SIL1: variants seen among roughly 807,000 people sequenced by gnomAD.
SIL1 encodes nucleotide exchange factor SIL1.
Under a neutral mutation model 49.1 loss-of-function variants are expected in SIL1, and 40 were observed. That is an observed-to-expected ratio of 0.81 (90% CI 0.63 to 1.06). The LOEUF (loss-of-function observed/expected upper bound fraction) is 1.06, where lower values mean the gene tolerates loss of function less well. Among genes scored for constraint, SIL1 ranks in the 50% least tolerant of loss-of-function variants. The pLI is 0.00. For synonymous variants in SIL1, 253 were observed against 250.8 expected, an observed-to-expected ratio of 1.01 and a Z score of -0.08; for missense variants, 500 against 572.6, an observed-to-expected ratio of 0.87 and a Z score of 1.29.
intron 7 of SIL1, among the ~76,000 whole-genome samples, chr5:138,965,356 G>A (rs1767114361): frequency 6.6e-6 from 1 of 152,144 alleles, no homozygotes; most frequent in Non-Finnish European, 1.5e-5. Context: ...CACCATCTGG[G>A]ATTTACTTCT....
intron 4 of SIL1, among the ~76,000 whole-genome samples, chr5:139,044,430 ATC>A (rs1769107774): frequency 6.6e-6 from 1 of 152,052 alleles, no homozygotes; most frequent in African/African-American, 2.4e-5. Context: ...CTCCCAAGCC[ATC>A]TCTCATCACC....
intron 3 of SIL1, among the ~76,000 whole-genome samples, chr5:139,071,186 TATA>T (rs1236416169): frequency 1.4e-5 from 1 of 72,446 alleles, no homozygotes; most frequent in Non-Finnish European, 2.6e-5. Context: ...ACAGACAATT[TATA>T]AGAAGAAGAA....
rs562116626 is a variant in SIL1 at position 139,161,135 on chromosome 5, C to T, written c.-10-33282G>A. Among the ~76,000 whole-genome samples the T allele has an allele frequency of 6.6e-5, 10 of 152,136 alleles. No homozygotes were observed. The East Asian group carries it at 1.9e-3, about 30-fold the overall frequency. On this transcript the variant is annotated intron_variant, in intron 1 of 9. Coordinates refer to ENST00000394817, the MANE Select transcript of SIL1 (RefSeq NM_022464.5). Reference sequence around the variant, plus strand: ...GCGCATGCCTGTAATTCCAGCTACTCAGGAGGCTGAGGCAGGAGAATCGCT... The same window carrying T: ...GCGCATGCCTGTAATTCCAGCTACTTAGGAGGCTGAGGCAGGAGAATCGCT...
At chr5:139,185,226 T>C (rs1752057670) in intron 1 of SIL1, among the ~76,000 whole-genome samples, 1 of 152,136 alleles carries the variant, frequency 6.6e-6, no homozygotes, top group Admixed American at 6.5e-5. Flanking sequence ...TGTGTGAGTG[T>C]ACCTTGAAAT....
At chr5:138,975,293 T>A (rs962671356) in intron 7 of SIL1, among the ~76,000 whole-genome samples, 3 of 152,074 alleles carry the variant, frequency 2.0e-5, no homozygotes, top group African/African-American at 7.2e-5. Flanking sequence ...CAGCCTTCTC[T>A]CATGATCAAA....
chr5:139,195,886 G>T (rs951355378), intron 1 of SIL1, among the ~76,000 whole-genome samples: 2 of 152,158 alleles, frequency 1.3e-5, no homozygotes, highest in Admixed American at 6.5e-5. Flanking sequence ...CATGCCATTC[G>T]GGGTTAAATA....
intron 3 of SIL1, among the ~76,000 whole-genome samples, chr5:139,090,129 C>G (rs1770309757): frequency 6.6e-6 from 1 of 152,154 alleles, no homozygotes; most frequent in Admixed American, 6.5e-5. Flanking sequence ...CCACTCCACT[C>G]TCACCCAGTG....
chr5:138,981,862 C>T (rs1411280457), intron 7 of SIL1, among the ~76,000 whole-genome samples: 1 of 152,066 alleles, frequency 6.6e-6, no homozygotes, highest in Non-Finnish European at 1.5e-5. Context: ...GCATTTATCA[C>T]CACTTGGCAC....
intron 3 of SIL1, among the ~76,000 whole-genome samples, chr5:139,097,219 G>A (rs567035457): frequency 5.3e-5 from 8 of 151,970 alleles, no homozygotes; most frequent in Non-Finnish European, 8.8e-5. Flanking sequence ...ACTCCCAGGC[G>A]GCACCTCTAG....
chr5:138,996,555 C>T (rs1767874982), intron 7 of SIL1, among the ~76,000 whole-genome samples: 1 of 126,242 alleles, frequency 7.9e-6, no homozygotes, highest in Non-Finnish European at 1.6e-5. Context: ...GAGTCTCACT[C>T]TGTCGCCAGG....
chr5:139,115,757 C>T (rs1411144789), intron 3 of SIL1, among the ~76,000 whole-genome samples: 5 of 152,096 alleles, frequency 3.3e-5, no homozygotes, highest in Non-Finnish European at 7.4e-5. Flanking sequence ...CATAACAAAC[C>T]AATAAACATA....
At chr5:139,000,988 AT>A (rs1381905884) in intron 7 of SIL1, among the ~76,000 whole-genome samples, 1 of 152,080 alleles carries the variant, frequency 6.6e-6, no homozygotes, top group Non-Finnish European at 1.5e-5. Context: ...ATTAAAAAAG[AT>A]GGCTGTATTG....
rs533226549 is a variant in SIL1, at chr5:138,960,621, T to C, written c.768-8737A>G. On this transcript the variant is annotated intron_variant, in intron 7 of 9. Coordinates refer to ENST00000394817, the MANE Select transcript of SIL1 (RefSeq NM_022464.5). ...CCCAGTTTTGTTTTGTTTTTGTTTT[T>C]GTTTTTGTATTTTTAGTGGAGAGAA... Among the ~76,000 whole-genome samples, 7 of 152,226 alleles carry C rather than the reference T, an allele frequency of 4.6e-5. No individual in the cohort carries two copies. The South Asian group carries it at 6.2e-4, about 14-fold the overall frequency.
At chr5:139,007,398 G>A (rs374695576) in intron 7 of SIL1, among the ~76,000 whole-genome samples, 23 of 132,600 alleles carry the variant, frequency 1.7e-4, no homozygotes, top group African/African-American at 4.8e-4. Flanking sequence ...CAATCATGTC[G>A]TCTGCAAACA....
intron 3 of SIL1, among the ~76,000 whole-genome samples, chr5:139,062,535 A>G (rs1769615092): frequency 6.6e-6 from 1 of 152,040 alleles, no homozygotes; most frequent in South Asian, 2.1e-4. Context: ...ATACCCTTGC[A>G]CCACTACCCC....
intron 7 of SIL1, among the ~76,000 whole-genome samples, chr5:138,992,864 GA>G (rs1767787335): frequency 6.6e-6 from 1 of 151,360 alleles, no homozygotes; most frequent in Non-Finnish European, 1.5e-5. Context: ...AAAAACTATT[GA>G]AAAAAGTAAA....
chr5:139,017,062 G>A (rs944631765), intron 7 of SIL1: 6 of 152,304 alleles, frequency 3.9e-5, no homozygotes, highest in African/African-American at 9.7e-5. Flanking sequence ...ATGTTGCCCA[G>A]GTTGGTCTTG....
intron 1 of SIL1, among the ~76,000 whole-genome samples, chr5:139,162,329 G>T (rs925315983): frequency 7.2e-5 from 11 of 152,186 alleles, no homozygotes; most frequent in Non-Finnish European, 2.9e-5. Flanking sequence ...TAAAAAATCA[G>T]AGTGAGATAA....
intron 3 of SIL1, among the ~76,000 whole-genome samples, chr5:139,091,583 C>T (rs1036192329): frequency 1.3e-5 from 2 of 152,188 alleles, no homozygotes; most frequent in Admixed American, 6.5e-5. Flanking sequence ...GCATATACAG[C>T]CCCTATAAAG....
Sources: allele counts gnomAD v4.1 joint callset (sites outside exome capture counted in the v4.1 genomes callset), GRCh38; gene constraint gnomAD v4.1.1; transcripts MANE v1.5; gene names NCBI Gene and HGNC (gene_info 2026-07-23, HGNC 2026-07-21).